The following DNAJC6 variants were observed in gnomAD, a reference collection of about 807,000 sequenced individuals.
The protein encoded by DNAJC6 is DnaJ heat shock protein family (Hsp40) member C6, also known as auxilin.
Under a neutral mutation model 110.0 loss-of-function variants are expected in DNAJC6, and 34 were observed. The observed-to-expected ratio is 0.31, with a 90% CI of 0.24 to 0.41. The LOEUF is 0.41. DNAJC6 is among the 10% of genes least tolerant of loss of function. The probability of loss-of-function intolerance (pLI) is 1.00; values close to 1 mark genes in which losing one functional copy is unlikely to be tolerated. For missense variants in DNAJC6, 1,031 were observed against 1,207.8 expected (o/e 0.85, Z 2.17); for synonymous variants, 406 against 437.2 (o/e 0.93, Z 0.89).
At chr1:65,308,268 G>A (rs936412572), upstream of DNAJC6, among the ~76,000 whole-genome samples, 1 of 152,190 alleles carries the variant, frequency 6.6e-6, no homozygotes, top group Non-Finnish European at 1.5e-5. Flanking sequence ...ATGGGCTCAA[G>A]TACATTTTAC....
At chr1:65,332,682 C>T (rs1056127397) in intron 1 of DNAJC6, among the ~76,000 whole-genome samples, 3 of 152,164 alleles carry the variant, frequency 2.0e-5, no homozygotes, top group Non-Finnish European at 2.9e-5. Context: ...TCTTTTGCTT[C>T]ATTAAACTCA....
intron 4 of DNAJC6, among the ~76,000 whole-genome samples, chr1:65,367,498 C>A (rs1645658153): frequency 6.6e-6 from 1 of 152,034 alleles, no homozygotes; most frequent in South Asian, 2.1e-4. Flanking sequence ...TAAGGCAAAT[C>A]TTTTGAATTA....
chr1:65,405,732 T>A, intron 15 of DNAJC6, 138 bp from the exon 16 acceptor site: 1 of 1,008,640 alleles, frequency 9.9e-7, no homozygotes, highest in South Asian at 1.9e-5. Context: ...CTGCAATTGC[T>A]TTATCTATAT....
At chr1:65,401,463 G>A (rs1288267380) in intron 14 of DNAJC6, among the ~76,000 whole-genome samples, 1 of 152,158 alleles carries the variant, frequency 6.6e-6, no homozygotes, top group Non-Finnish European at 1.5e-5. Context: ...ACCTAACTTC[G>A]AATCTTATAG....
In DNAJC6 at chr1:65,392,683, C is replaced by T. The variant is rs569478113; in HGVS notation, c.1721C>T (p.Pro574Leu). The change falls in exon 12 of 19, where the codon CCT becomes CTT. Residue 574 changes from proline to leucine, a missense_variant. Physicochemically the swap from Pro to Leu is moderately conservative, Grantham distance 98. Coordinates refer to ENST00000371069, the MANE Select transcript of DNAJC6 (RefSeq NM_001256864.2). Reference sequence around the variant, plus strand: ...AACAGCTTCTCTCCGCCAGCGGCTCCTCCCACCAATTCTGAACTACTGAGT... The same window carrying T: ...AACAGCTTCTCTCCGCCAGCGGCTCTTCCCACCAATTCTGAACTACTGAGT... The part of the protein sequence containing the change: ...MSNSFSPPAA[P>L]PTNSELLSDL... 4 of 1,612,934 alleles carry T rather than the reference C, an allele frequency of 2.5e-6. No homozygotes were observed. Among genetic ancestry groups the T allele is most frequent in the East Asian group, 2.2e-5 (1 of 44,858 alleles).
At chr1:65,394,379 A>G (rs1284180537) in intron 12 of DNAJC6, among the ~76,000 whole-genome samples, 1 of 152,216 alleles carries the variant, frequency 6.6e-6, no homozygotes, top group East Asian at 1.9e-4. Flanking sequence ...CTAGAGTTAA[A>G]GACCTGGATT....
chr1:65,312,826 A>G lies in DNAJC6; in HGVS notation c.193+2888A>G, dbSNP rs192201535. Among the ~76,000 whole-genome samples the G allele has an allele frequency of 5.0e-3, 764 of 152,294 alleles. 5 individuals carry two copies. Among genetic ancestry groups the G allele is most frequent in the Non-Finnish European group, 8.8e-3 (599 of 68,016 alleles). ...AACCTTTTTCTTTTCTTTTCTAGAC[A>G]GATAGCTCTGTCACCCAGGCTGGAG... On this transcript the variant is annotated intron_variant, in intron 1 of 18. Transcript: ENST00000371069.
chr1:65,388,162 A>G (rs894010568), intron 8 of DNAJC6, among the ~76,000 whole-genome samples, 174 bp from the exon 9 acceptor site: 10 of 152,162 alleles, frequency 6.6e-5, no homozygotes, highest in African/African-American at 2.4e-4. Context: ...AGTAGAGGAG[A>G]GGCTGGAAAT....
At chr1:65,410,415 T>C (rs1646117546) in intron 17 of DNAJC6, among the ~76,000 whole-genome samples, 1 of 152,236 alleles carries the variant, frequency 6.6e-6, no homozygotes, top group African/African-American at 2.4e-5. Context: ...AACTTTGTGC[T>C]TCATCTCAAT....
chr1:65,373,180 A>G (rs1444987200), intron 4 of DNAJC6, among the ~76,000 whole-genome samples: 2 of 152,154 alleles, frequency 1.3e-5, no homozygotes, highest in African/African-American at 2.4e-5. Flanking sequence ...GTATATGTAT[A>G]CCACATTTTA....
intron 1 of DNAJC6, among the ~76,000 whole-genome samples, chr1:65,328,429 A>G (rs1053775595): frequency 2.0e-5 from 3 of 152,220 alleles, no homozygotes; most frequent in African/African-American, 7.2e-5. Context: ...TCCCAGTGGT[A>G]TATTTTGCAA....
At chr1:65,276,436 C>G (rs1258520375) in intron 1 of DNAJC6, among the ~76,000 whole-genome samples, 1 of 152,130 alleles carries the variant, frequency 6.6e-6, no homozygotes, top group Non-Finnish European at 1.5e-5. Flanking sequence ...TTTTCCTACT[C>G]TTTGTCAGAA....
At chr1:65,320,656 G>A (rs958056536) in intron 1 of DNAJC6, among the ~76,000 whole-genome samples, 2 of 152,190 alleles carry the variant, frequency 1.3e-5, no homozygotes, top group Non-Finnish European at 2.9e-5. Flanking sequence ...TCTAGCCATG[G>A]GGGATACAGT....
chr1:65,305,728 A>T (rs905841218), upstream of DNAJC6, among the ~76,000 whole-genome samples: 1 of 150,616 alleles, frequency 6.6e-6, no homozygotes, highest in Admixed American at 6.7e-5. Flanking sequence ...AGGGCAAAAC[A>T]ATCAGTTCAC....
At chr1:65,369,474 C>T (rs965382831) in intron 4 of DNAJC6, among the ~76,000 whole-genome samples, 22 of 152,096 alleles carry the variant, frequency 1.4e-4, no homozygotes, top group Non-Finnish European at 2.9e-4. Flanking sequence ...TGGAGTGCTA[C>T]GTCTGAAATT....
At chr1:65,353,338 A>G (rs762429857) in intron 1 of DNAJC6, among the ~76,000 whole-genome samples, 1 of 152,312 alleles carries the variant, frequency 6.6e-6, no homozygotes, top group East Asian at 1.9e-4. Context: ...TATTTGGTCC[A>G]CATGTTGAAG....
chr1:65,372,156 T>A (rs945545489), intron 4 of DNAJC6, among the ~76,000 whole-genome samples: 1 of 147,192 alleles, frequency 6.8e-6, no homozygotes, highest in Non-Finnish European at 1.5e-5. Flanking sequence ...GGTGTGTGTG[T>A]GTGTGTGTGT....
chr1:65,358,197 A>C (rs1229510356), intron 1 of DNAJC6, among the ~76,000 whole-genome samples: 2 of 151,684 alleles, frequency 1.3e-5, no homozygotes, highest in East Asian at 1.9e-4. Context: ...AAAAAAAAAA[A>C]AAACAAAACC....
At chr1:65,344,723 A>G (rs1336819442) in intron 1 of DNAJC6, among the ~76,000 whole-genome samples, 1 of 152,118 alleles carries the variant, frequency 6.6e-6, no homozygotes, top group Non-Finnish European at 1.5e-5. Flanking sequence ...TTACAGCGAA[A>G]TCCAGCCAAT....
Sources: gnomAD v4.1 joint callset for allele counts (sites outside exome capture counted in the v4.1 genomes callset) on GRCh38, gnomAD v4.1.1 for gene constraint, MANE v1.5 for transcripts, NCBI Gene and HGNC (gene_info 2026-07-23, HGNC 2026-07-21) for gene names.